The following CNTNAP2 variants were observed in gnomAD, a reference collection of about 807,000 sequenced individuals.
CNTNAP2 encodes the protein contactin-associated protein-like 2.
A neutral mutation model predicts 155.2 loss-of-function variants in CNTNAP2; 98 were observed. The observed-to-expected ratio is 0.63, with a 90% CI of 0.54 to 0.75. The LOEUF is 0.75. Among genes scored for constraint, CNTNAP2 ranks in the 30% least tolerant of loss-of-function variants. The pLI is 0.00. For missense variants in CNTNAP2, 1,727 were observed against 1,688.1 expected (o/e 1.02, Z -0.40); for synonymous variants, 651 against 631.2 (o/e 1.03, Z -0.47).
intron 8 of CNTNAP2, among the ~76,000 whole-genome samples, chr7:147,190,221 G>A (rs564129130): frequency 2.4e-3 from 368 of 152,202 alleles, no homozygotes; most frequent in African/African-American, 8.4e-3. Flanking sequence ...AGAAAAACAA[G>A]AGGCCGAATT....
intron 1 of CNTNAP2, among the ~76,000 whole-genome samples, chr7:146,447,112 A>G (rs1245695308): frequency 6.6e-6 from 1 of 152,044 alleles, no homozygotes; most frequent in Admixed American, 6.6e-5. Context: ...ATGCTATTCA[A>G]GTTACATTTC....
chr7:146,998,159 G>A (rs984020285), intron 3 of CNTNAP2, among the ~76,000 whole-genome samples: 2 of 151,908 alleles, frequency 1.3e-5, no homozygotes, highest in African/African-American at 2.4e-5. Flanking sequence ...ATACTCTGAT[G>A]TAGGCATTTA....
At chr7:148,178,950 T>G (rs1794989138) in intron 18 of CNTNAP2, among the ~76,000 whole-genome samples, 1 of 152,206 alleles carries the variant, frequency 6.6e-6, no homozygotes, top group Non-Finnish European at 1.5e-5. Context: ...GGATTGTCAT[T>G]TCGGTACTTC....
chr7:147,922,842 G>A (rs1482450599), intron 14 of CNTNAP2, among the ~76,000 whole-genome samples: 5 of 152,164 alleles, frequency 3.3e-5, no homozygotes, highest in African/African-American at 9.7e-5. Context: ...GCAAAAATCA[G>A]TTTGTTTGTT....
chr7:148,342,581 C>T (rs111778004), intron 21 of CNTNAP2, among the ~76,000 whole-genome samples: 1,764 of 152,278 alleles, frequency 0.012, 28 homozygotes, highest in African/African-American at 0.041. Context: ...ACTGCTTTTA[C>T]GAATAATCAT....
At chr7:146,420,775 T>C (rs755206652) in intron 1 of CNTNAP2, among the ~76,000 whole-genome samples, 1 of 152,118 alleles carries the variant, frequency 6.6e-6, no homozygotes, top group Non-Finnish European at 1.5e-5. Flanking sequence ...CATTGAGTTA[T>C]ATAAGACACA....
intron 14 of CNTNAP2, among the ~76,000 whole-genome samples, chr7:147,912,820 G>A (rs1317849677): frequency 6.6e-6 from 1 of 152,156 alleles, no homozygotes; most frequent in African/African-American, 2.4e-5. Flanking sequence ...TGCTTCTCAG[G>A]CTGATTGATA....
At chr7:147,634,834 C>G (rs1444229004) in intron 12 of CNTNAP2, among the ~76,000 whole-genome samples, 1 of 152,078 alleles carries the variant, frequency 6.6e-6, no homozygotes, top group African/African-American at 2.4e-5. Context: ...CAAGCCAGAT[C>G]TCTTACTATG....
chr7:146,906,277 G>A (rs1214324594), intron 3 of CNTNAP2, among the ~76,000 whole-genome samples: 2 of 152,246 alleles, frequency 1.3e-5, no homozygotes, highest in African/African-American at 2.4e-5. Context: ...CAGCCAGGAA[G>A]CTGGAACTGG....
chr7:146,474,317 T>C (rs1169928648), intron 1 of CNTNAP2, among the ~76,000 whole-genome samples: 1 of 149,612 alleles, frequency 6.7e-6, no homozygotes, highest in Admixed American at 6.7e-5. Context: ...TATTTCATTT[T>C]CCCCAAAACA....
intron 14 of CNTNAP2, among the ~76,000 whole-genome samples, chr7:147,923,089 G>T (rs1266677840): frequency 6.6e-6 from 1 of 151,416 alleles, no homozygotes; most frequent in African/African-American, 2.4e-5. Flanking sequence ...GAGCAAAAAG[G>T]AAGGAAGGAA....
chr7:146,647,401 A>T (rs768274462), intron 1 of CNTNAP2, among the ~76,000 whole-genome samples: 5 of 152,118 alleles, frequency 3.3e-5, no homozygotes, highest in Non-Finnish European at 7.4e-5. Flanking sequence ...CAGTATCTTT[A>T]TAAGAACCTT....
At chr7:146,873,992 C>T (rs942504329) in intron 3 of CNTNAP2, among the ~76,000 whole-genome samples, 5 of 151,914 alleles carry the variant, frequency 3.3e-5, no homozygotes, top group East Asian at 1.9e-4. Flanking sequence ...CAAATTAAGT[C>T]GGAAATGCTA....
chr7:147,381,579 T>C (rs1272820087), intron 9 of CNTNAP2, among the ~76,000 whole-genome samples: 1 of 152,180 alleles, frequency 6.6e-6, no homozygotes, highest in Non-Finnish European at 1.5e-5. Context: ...AAAAAATATA[T>C]GAAAGTGTCA....
intron 1 of CNTNAP2, among the ~76,000 whole-genome samples, chr7:146,337,301 T>TA (rs11418259): frequency 0.047 from 6,268 of 134,264 alleles, 243 homozygotes; most frequent in African/African-American, 0.11. Flanking sequence ...TGTTCTAACA[T>TA]AAAAAAAAAA....
At chr7:146,928,159 C>A in intron 3 of CNTNAP2, among the ~76,000 whole-genome samples, 1 of 151,674 alleles carries the variant, frequency 6.6e-6, no homozygotes, top group South Asian at 2.1e-4. Context: ...AAAACAATGA[C>A]CAGTGTAAAA....
chr7:147,448,000 T>G (rs1437609714), intron 10 of CNTNAP2, among the ~76,000 whole-genome samples: 1 of 152,100 alleles, frequency 6.6e-6, no homozygotes, highest in Non-Finnish European at 1.5e-5. Flanking sequence ...CTCAATTGGT[T>G]CATGATCATG....
chr7:146,546,449 G>C (rs1358081), intron 1 of CNTNAP2, among the ~76,000 whole-genome samples: 27,657 of 151,786 alleles, frequency 0.18, 3,292 homozygotes, highest in East Asian at 0.47. Context: ...TGTTTCCAGA[G>C]TTGAAACCTG....
chr7:146,310,387 T>G (rs1800798412), intron 1 of CNTNAP2, among the ~76,000 whole-genome samples: 1 of 152,198 alleles, frequency 6.6e-6, no homozygotes, highest in African/African-American at 2.4e-5. Context: ...GAATTATTTC[T>G]GATTCCTCAG....
Sources: gnomAD v4.1 joint callset for allele counts (sites outside exome capture counted in the v4.1 genomes callset) on GRCh38, gnomAD v4.1.1 for gene constraint, MANE v1.5 for transcripts, NCBI Gene and HGNC (gene_info 2026-07-23, HGNC 2026-07-21) for gene names.